TAFA1: variants seen among roughly 807,000 people sequenced by gnomAD.
TAFA1 encodes the protein chemokine-like protein TAFA-1.
Under a neutral mutation model 18.5 loss-of-function variants are expected in TAFA1, and 4 were observed. The observed-to-expected ratio is 0.22, with a 90% CI of 0.11 to 0.49. The LOEUF is 0.49. Ranked by LOEUF, TAFA1 falls within the 20% of genes least tolerant of loss-of-function variation. The pLI, the probability that TAFA1 is intolerant of heterozygous loss-of-function variation, is 0.98. For missense variants in TAFA1, 147 were observed against 169.0 expected (o/e 0.87, Z 0.72); for synonymous variants, 56 against 55.2 (o/e 1.01, Z -0.06).
chr3:68,539,412 G>A (rs1166712288), intron 4 of TAFA1, among the ~76,000 whole-genome samples: 1 of 151,868 alleles, frequency 6.6e-6, no homozygotes, highest in Non-Finnish European at 1.5e-5. Flanking sequence ...CTTCAGGGTG[G>A]GGTAATCCAA....
chr3:68,171,866 A>T (rs1039569508), intron 2 of TAFA1, among the ~76,000 whole-genome samples: 15 of 152,176 alleles, frequency 9.9e-5, no homozygotes, highest in African/African-American at 3.6e-4. Context: ...AACATTAACA[A>T]ACTTAAAGAT....
chr3:68,287,471 C>A (rs1284315296), intron 2 of TAFA1, among the ~76,000 whole-genome samples: 1 of 145,682 alleles, frequency 6.9e-6, no homozygotes, highest in African/African-American at 2.8e-5. Flanking sequence ...CCGTAAGGGG[C>A]AATGAGATTT....
chr3:68,267,915 CT>C (rs1232527910), intron 2 of TAFA1, among the ~76,000 whole-genome samples: 1 of 152,102 alleles, frequency 6.6e-6, no homozygotes, highest in Non-Finnish European at 1.5e-5. Context: ...AATTTTAAGG[CT>C]GCTAGATGCT....
intron 2 of TAFA1, among the ~76,000 whole-genome samples, chr3:68,186,257 G>A (rs932737233): frequency 6.6e-6 from 1 of 151,964 alleles, no homozygotes; most frequent in African/African-American, 2.4e-5. Flanking sequence ...TGTTGCCAGG[G>A]CAATTACAAA....
intron 2 of TAFA1, among the ~76,000 whole-genome samples, chr3:68,113,708 G>T (rs1575623082): frequency 6.6e-6 from 1 of 151,984 alleles, no homozygotes; most frequent in Admixed American, 6.6e-5. Context: ...AAGAAAAAAA[G>T]AAAGTCAATA....
At chr3:68,205,815 T>C (rs983335786) in intron 2 of TAFA1, among the ~76,000 whole-genome samples, 15 of 151,838 alleles carry the variant, frequency 9.9e-5, no homozygotes, top group African/African-American at 3.6e-4. Flanking sequence ...TATGAAAATA[T>C]ATTAGGTAGC....
intron 2 of TAFA1, among the ~76,000 whole-genome samples, chr3:68,274,426 T>C (rs1219382991): frequency 6.6e-6 from 1 of 152,202 alleles, no homozygotes; most frequent in African/African-American, 2.4e-5. Context: ...TGCCAATACA[T>C]TCAAGAAAAG....
intron 3 of TAFA1, among the ~76,000 whole-genome samples, chr3:68,508,839 GGCAAGTAAGA>G (rs569935020): frequency 1.9e-3 from 287 of 152,100 alleles, no homozygotes; most frequent in African/African-American, 6.8e-3. Context: ...GAGTTCATAG[GGCAAGTAAGA>G]GTTCAGTGAT....
chr3:68,503,887 AGAT>A (rs1273738455), intron 3 of TAFA1, among the ~76,000 whole-genome samples: 3 of 152,150 alleles, frequency 2.0e-5, no homozygotes, highest in African/African-American at 4.8e-5. Context: ...TTAAGTAAAA[AGAT>A]GATGATAATT....
chr3:68,386,188 G>T lies in TAFA1; in HGVS notation c.119-31092G>T, dbSNP rs75768113. On this transcript the variant is annotated intron_variant, in intron 2 of 4. Transcript: ENST00000478136. ...TTTTCAGTAACACACGATAGATACT[G>T]TTGTTATCCTTATTTTTTATATGAG... Among the ~76,000 whole-genome samples the T allele has an allele frequency of 6.4e-3, 973 of 152,168 alleles. 9 individuals are homozygous for T. Among genetic ancestry groups the T allele is most frequent in the African/African-American group, 0.022 (932 of 41,534 alleles).
chr3:68,453,964 G>A (rs2071611746), intron 3 of TAFA1, among the ~76,000 whole-genome samples: 1 of 152,176 alleles, frequency 6.6e-6, no homozygotes, highest in African/African-American at 2.4e-5. Flanking sequence ...GGCTTAAGGA[G>A]AAGGGCTGAA....
intron 2 of TAFA1, among the ~76,000 whole-genome samples, chr3:68,304,018 A>G (rs1357205376): frequency 6.6e-6 from 1 of 152,222 alleles, no homozygotes; most frequent in Non-Finnish European, 1.5e-5. Flanking sequence ...ATTGAAGTGT[A>G]GTAATAGTTT....
At chr3:68,382,261 A>C (rs1268638528) in intron 2 of TAFA1, among the ~76,000 whole-genome samples, 1 of 152,176 alleles carries the variant, frequency 6.6e-6, no homozygotes, top group East Asian at 1.9e-4. Flanking sequence ...TGTCTCTGCC[A>C]GGCTTTGGTA....
At chr3:68,452,550 C>T (rs1018349282) in intron 3 of TAFA1, among the ~76,000 whole-genome samples, 6 of 134,508 alleles carry the variant, frequency 4.5e-5, no homozygotes, top group Non-Finnish European at 9.6e-5. Context: ...AACTAGCAAA[C>T]AAAAAACCTG....
intron 2 of TAFA1, among the ~76,000 whole-genome samples, chr3:68,333,694 G>A (rs796755396): frequency 3.9e-5 from 6 of 152,102 alleles, no homozygotes; most frequent in East Asian, 1.9e-4. Flanking sequence ...CAAAGGAAAC[G>A]AAATCAGTGA....
At chr3:68,068,266 G>A (rs73834815) in intron 2 of TAFA1, among the ~76,000 whole-genome samples, 4,224 of 152,244 alleles carry the variant, frequency 0.028, 79 homozygotes, top group East Asian at 0.1. Context: ...ACAAGATTTC[G>A]AAGCTATGGG....
intron 3 of TAFA1, among the ~76,000 whole-genome samples, chr3:68,496,499 C>T (rs1384482105): frequency 6.6e-6 from 1 of 152,120 alleles, no homozygotes; most frequent in Non-Finnish European, 1.5e-5. Flanking sequence ...AGTTAACAGA[C>T]TTAATGGGCT....
In TAFA1 at chr3:68,498,721, G is replaced by GTTTTTTT. The variant is rs1559694779; in HGVS notation, c.260-40035_260-40034insTTTTTTT. On this transcript the variant is annotated intron_variant, in intron 3 of 4. Coordinates refer to ENST00000478136, the MANE Select transcript of TAFA1 (RefSeq NM_213609.4). Reference sequence around the variant, plus strand: ...AAATTCCTCCCAAAGCCGTTTGGTGGCTTTTTTTTTTTTTTTTTTTTTTTT... The same window carrying GTTTTTTT: ...AAATTCCTCCCAAAGCCGTTTGGTGGTTTTTTTCTTTTTTTTTTTTTTTTTTTTTTTT... Among the ~76,000 whole-genome samples, 14 of 101,690 alleles carry GTTTTTTT rather than the reference G, an allele frequency of 1.4e-4. 1 individual carries two copies. The highest frequency in any genetic ancestry group is 3.7e-4 in the African/African-American group (7 of 18,842). The allele number at this position is 101,690 out of a possible 152,430, so 66.7% of individuals were successfully genotyped here.
chr3:68,401,374 G>A (rs1267541551), intron 2 of TAFA1, among the ~76,000 whole-genome samples: 2 of 152,168 alleles, frequency 1.3e-5, no homozygotes, highest in Admixed American at 6.6e-5. Context: ...TGTACCTCAT[G>A]GCTCTTTGTA....
Sources: gnomAD v4.1 joint callset for allele counts (sites outside exome capture counted in the v4.1 genomes callset) on GRCh38, gnomAD v4.1.1 for gene constraint, MANE v1.5 for transcripts, NCBI Gene and HGNC (gene_info 2026-07-23, HGNC 2026-07-21) for gene names.